The following RALGAPA1 variants were observed in gnomAD, a reference collection of about 807,000 sequenced individuals.
RALGAPA1 encodes the protein Ral GTPase activating protein catalytic subunit alpha 1.
A neutral mutation model predicts 269.6 loss-of-function variants in RALGAPA1; 52 were observed. That is an observed-to-expected ratio of 0.19 (90% CI 0.15 to 0.24). The LOEUF (loss-of-function observed/expected upper bound fraction) is 0.24, where lower values mean the gene tolerates loss of function less well. RALGAPA1 is among the 10% of genes least tolerant of loss of function. The pLI is 1.00. For synonymous variants in RALGAPA1, 817 were observed against 1,008.3 expected, an observed-to-expected ratio of 0.81 and a Z score of 3.60; for missense variants, 1,917 against 3,013.9, an observed-to-expected ratio of 0.64 and a Z score of 8.52.
At chr14:35,694,114 T>C (rs1449966925) in intron 17 of RALGAPA1, among the ~76,000 whole-genome samples, 1 of 152,004 alleles carries the variant, frequency 6.6e-6, no homozygotes, top group Non-Finnish European at 1.5e-5. Context: ...TAGCTGCTTA[T>C]TGGTAAAAAG....
intron 6 of RALGAPA1, 25 bp from the exon 7 acceptor site, chr14:35,756,933 T>C (rs771492141): frequency 3.9e-6 from 6 of 1,524,464 alleles, no homozygotes; most frequent in African/African-American, 2.8e-5. Flanking sequence ...AAGAATAGTA[T>C]ATAGTTACAA....
At chr14:35,624,957 G>T (rs898989886) in intron 35 of RALGAPA1, among the ~76,000 whole-genome samples, 1 of 151,940 alleles carries the variant, frequency 6.6e-6, no homozygotes, top group Non-Finnish European at 1.5e-5. Flanking sequence ...TTGGGAGGCC[G>T]AGGCGGGCAG....
intron 11 of RALGAPA1, 109 bp downstream of exon 11, chr14:35,742,259 C>A (rs1014056342): frequency 1.2e-6 from 1 of 860,784 alleles, no homozygotes; most frequent in Non-Finnish European, 1.8e-6. Flanking sequence ...TGAAAGATAT[C>A]TTTATCTTCC....
At chr14:35,724,507 T>C (rs2069712331) in intron 14 of RALGAPA1, among the ~76,000 whole-genome samples, 1 of 151,972 alleles carries the variant, frequency 6.6e-6, no homozygotes, top group Non-Finnish European at 1.5e-5. Context: ...CAATATAGAA[T>C]TCCTGTGTAA....
At chr14:35,595,546 G>C in intron 37 of RALGAPA1, 88 bp downstream of exon 37, 1 of 1,189,670 alleles carries the variant, frequency 8.4e-7, no homozygotes, top group Non-Finnish European at 1.2e-6. Flanking sequence ...AACAGTGCTT[G>C]ATCAATTCGA....
At chr14:35,726,461 T>C in intron 13 of RALGAPA1, among the ~76,000 whole-genome samples, 1 of 152,296 alleles carries the variant, frequency 6.6e-6, no homozygotes, top group South Asian at 2.1e-4. Flanking sequence ...CACTTTGTAA[T>C]ACAATAAAAA....
At position 35,566,102 on chromosome 14, in the gene RALGAPA1, A is replaced by G. The variant is rs186003818; in HGVS notation, c.7496+4515T>C. On this transcript the variant is annotated intron_variant, in intron 39 of 41. Transcript: ENST00000680220. ...CAATTCTAATTGCATGATTAAACTAACAAATTGAGCTCCAGACCCCTCCCC... is the reference window on the plus strand; with the variant it reads ...CAATTCTAATTGCATGATTAAACTAGCAAATTGAGCTCCAGACCCCTCCCC... 4.8e-4 allele frequency among the ~76,000 whole-genome samples: 73 copies of G among 152,158 alleles called. No homozygotes were observed. The East Asian group carries it at 9.5e-3, about 20-fold the overall frequency.
chr14:35,793,987 T>C (rs1018772370), intron 1 of RALGAPA1, among the ~76,000 whole-genome samples: 3 of 152,224 alleles, frequency 2.0e-5, no homozygotes, highest in African/African-American at 7.2e-5. Flanking sequence ...TCAGTAACAC[T>C]TTATGTCAAT....
intron 16 of RALGAPA1, among the ~76,000 whole-genome samples, chr14:35,704,735 T>C (rs2067656358): frequency 1.3e-5 from 2 of 152,108 alleles, no homozygotes. Context: ...AAGTTAAATA[T>C]TGTATCACTC....
chr14:35,544,117 T>A (rs1369400444), intron 41 of RALGAPA1, among the ~76,000 whole-genome samples: 2 of 152,218 alleles, frequency 1.3e-5, no homozygotes, highest in Admixed American at 6.5e-5. Flanking sequence ...TTTGCATTTA[T>A]ATGGATAACA....
chr14:35,653,205 A>C (rs1174016737), intron 30 of RALGAPA1, among the ~76,000 whole-genome samples: 1 of 152,168 alleles, frequency 6.6e-6, no homozygotes, highest in Non-Finnish European at 1.5e-5. Flanking sequence ...GAGATTGGGG[A>C]CAGGGAAGGG....
Position 35,539,803 on chromosome 14 carries a change from G to A in RALGAPA1, c.*24-113C>T, listed in dbSNP as rs1020982008. 23 of 1,463,016 alleles carry A rather than the reference G, an allele frequency of 1.6e-5. No individual in the cohort carries two copies. In the South Asian group the frequency reaches 2.7e-4, roughly 17 times the overall value. The allele number at this position is 1,463,016 out of a possible 1,614,324, so 90.6% of individuals were successfully genotyped here. The stretch of plus-strand genomic sequence containing the variant: ...ATCCCATCCCTTAATAAGATCTTTC[G>A]AGGGAAAAAGCAAGCCCCAAACTTG... On this transcript the variant is annotated intron_variant, in intron 41 of 41. Coordinates refer to ENST00000680220, the MANE Select transcript of RALGAPA1 (RefSeq NM_001346249.2).
chr14:35,790,494 C>T (rs1255872615), intron 1 of RALGAPA1, among the ~76,000 whole-genome samples: 1 of 150,930 alleles, frequency 6.6e-6, no homozygotes, highest in Non-Finnish European at 1.5e-5. Context: ...TTGTGACCAG[C>T]CTGGCCAACA....
chr14:35,794,589 T>C (rs1040455405), intron 1 of RALGAPA1, among the ~76,000 whole-genome samples: 1 of 152,144 alleles, frequency 6.6e-6, no homozygotes, highest in Non-Finnish European at 1.5e-5. Flanking sequence ...CCCGAGTAGC[T>C]GGGACTACAG....
At chr14:35,562,823 C>A (rs991472898) in intron 39 of RALGAPA1, among the ~76,000 whole-genome samples, 1 of 151,734 alleles carries the variant, frequency 6.6e-6, no homozygotes, top group African/African-American at 2.4e-5. Flanking sequence ...AGATCGAGAC[C>A]ATCCTGGCTA....
At chr14:35,603,354 C>T (rs1358921470) in intron 36 of RALGAPA1, among the ~76,000 whole-genome samples, 1 of 152,036 alleles carries the variant, frequency 6.6e-6, no homozygotes, top group Non-Finnish European at 1.5e-5. Context: ...CATACATAAG[C>T]TCAATTGAAC....
chr14:35,799,460 G>A (rs2076816974), intron 1 of RALGAPA1, among the ~76,000 whole-genome samples: 1 of 151,876 alleles, frequency 6.6e-6, no homozygotes, highest in African/African-American at 2.4e-5. Flanking sequence ...TACTTGGGAA[G>A]CTGAGGCAGG....
At chr14:35,671,731 A>C (rs1394826394) in intron 25 of RALGAPA1, among the ~76,000 whole-genome samples, 1 of 152,230 alleles carries the variant, frequency 6.6e-6, no homozygotes, top group Non-Finnish European at 1.5e-5. Flanking sequence ...ACATTCATTT[A>C]ACTGGCATAA....
intron 36 of RALGAPA1, among the ~76,000 whole-genome samples, chr14:35,597,535 G>A (rs771058827): frequency 7.2e-5 from 11 of 151,834 alleles, no homozygotes; most frequent in African/African-American, 1.5e-4. Flanking sequence ...ATGAAGAAAT[G>A]AAAAAAATAA....
Sources: allele counts gnomAD v4.1 joint callset (sites outside exome capture counted in the v4.1 genomes callset), GRCh38; gene constraint gnomAD v4.1.1; transcripts MANE v1.5; gene names NCBI Gene and HGNC (gene_info 2026-07-23, HGNC 2026-07-21).